Variants in MYRFL observed in about 807,000 individuals in gnomAD.
The protein encoded by MYRFL is myelin regulatory factor like, also known as myelin regulatory factor-like protein.
MYRFL carries 88 observed loss-of-function variants against 109.4 expected under a neutral mutation model. The observed-to-expected ratio is 0.80, with a 90% CI of 0.68 to 0.96. The LOEUF (loss-of-function observed/expected upper bound fraction) is 0.96. MYRFL is among the 40% of genes least tolerant of loss of function. MYRFL has a pLI of 0.00. For synonymous variants in MYRFL, 324 were observed against 320.9 expected, an observed-to-expected ratio of 1.01 and a Z score of -0.10; for missense variants, 957 against 954.9, an observed-to-expected ratio of 1.00 and a Z score of -0.03.
chr12:69,926,549 C>G lies in MYRFL; in HGVS notation c.1603-22C>G, dbSNP rs752963107. 6 of 1,471,636 alleles carry G rather than the reference C, an allele frequency of 4.1e-6. 1 individual carries two copies. Among genetic ancestry groups the G allele is most frequent in the South Asian group, 2.8e-5 (2 of 71,212 alleles). 91.2% of individuals were successfully genotyped at this position (1,471,636 alleles called of 1,614,324 possible). ...ATCTCAAATTGTTAATTTATGCACT[C>G]TGTTTGATTTTTCCCTTTTAGGACC... On this transcript the variant is annotated intron_variant, in intron 13 of 24. Transcript: ENST00000552032.
intron 2 of MYRFL, among the ~76,000 whole-genome samples, chr12:69,856,329 C>T (rs1167063902): frequency 1.3e-5 from 2 of 152,010 alleles, no homozygotes; most frequent in Non-Finnish European, 2.9e-5. Flanking sequence ...GAATTATTTC[C>T]AGTTTTGGCA....
intron 11 of MYRFL, among the ~76,000 whole-genome samples, chr12:69,906,159 C>G (rs114752814): frequency 1.3e-5 from 2 of 152,096 alleles, no homozygotes; most frequent in African/African-American, 4.8e-5. Flanking sequence ...TGTTTCCTCA[C>G]GCAGGAAACA....
intron 6 of MYRFL, among the ~76,000 whole-genome samples, chr12:69,887,607 A>T (rs536022506): frequency 1.3e-5 from 2 of 152,206 alleles, no homozygotes; most frequent in Non-Finnish European, 2.9e-5. Context: ...CTTAGCATGT[A>T]ATTTACCTAC....
chr12:69,958,047 GCCTCTT>G, intron 23 of MYRFL, 105 bp downstream of exon 23: 1 of 1,432,858 alleles, frequency 7.0e-7, no homozygotes, highest in East Asian at 2.5e-5. Context: ...GCTTGGCTCA[GCCTCTT>G]CCTTGTGTCC....
At chr12:69,895,102 T>C (rs987173222) in intron 8 of MYRFL, among the ~76,000 whole-genome samples, 3 of 152,236 alleles carry the variant, frequency 2.0e-5, no homozygotes, top group African/African-American at 7.2e-5. Flanking sequence ...ATGGAGCATA[T>C]GGCCCTTGTG....
chr12:69,887,233 G>T (rs1886511184), intron 6 of MYRFL, among the ~76,000 whole-genome samples: 1 of 152,082 alleles, frequency 6.6e-6, no homozygotes, highest in South Asian at 2.1e-4. Context: ...AATCTTTCTG[G>T]GATCACATGC....
At chr12:69,938,982 G>T (rs943328679) in intron 19 of MYRFL, among the ~76,000 whole-genome samples, 4 of 152,196 alleles carry the variant, frequency 2.6e-5, no homozygotes, top group African/African-American at 9.6e-5. Context: ...GCGCATTTCC[G>T]ACGGGCTTAA....
At chr12:69,955,147 G>T (rs1956064239) in intron 21 of MYRFL, among the ~76,000 whole-genome samples, 1 of 151,768 alleles carries the variant, frequency 6.6e-6, no homozygotes, top group Middle Eastern at 3.2e-3. Flanking sequence ...ACTTTTTATG[G>T]TATATTTTAT....
chr12:69,930,731 G>A (rs1955244887), intron 15 of MYRFL, among the ~76,000 whole-genome samples: 1 of 150,866 alleles, frequency 6.6e-6, no homozygotes, highest in Admixed American at 6.6e-5. Context: ...AGGATCGCTT[G>A]AGCCCAGGTG....
At chr12:69,872,137 G>A (rs1427802719) in intron 2 of MYRFL, among the ~76,000 whole-genome samples, 1 of 151,860 alleles carries the variant, frequency 6.6e-6, no homozygotes, top group Non-Finnish European at 1.5e-5. Flanking sequence ...TATTAGAAAT[G>A]AGCCTCTTTG....
chr12:69,891,273 C>A (rs1886783088), intron 7 of MYRFL, 107 bp downstream of exon 7: 6 of 858,050 alleles, frequency 7.0e-6, no homozygotes, highest in Non-Finnish European at 9.8e-6. Context: ...TAATAACAGT[C>A]CTTTATTTTG....
intron 1 of MYRFL, among the ~76,000 whole-genome samples, chr12:69,842,178 T>C (rs1052397608): frequency 2.6e-5 from 4 of 152,160 alleles, no homozygotes; most frequent in Admixed American, 2.0e-4. Flanking sequence ...ATGTGGGAAG[T>C]TTATGCTGGC....
intron 19 of MYRFL, among the ~76,000 whole-genome samples, chr12:69,939,446 C>T (rs1375376124): frequency 1.6e-4 from 24 of 152,094 alleles, no homozygotes; most frequent in Non-Finnish European, 1.0e-4. Flanking sequence ...ACACCTCACA[C>T]GGCAGGGTAC....
At chr12:69,870,888 A>G (rs1337860583) in intron 2 of MYRFL, among the ~76,000 whole-genome samples, 1 of 152,178 alleles carries the variant, frequency 6.6e-6, no homozygotes, top group Non-Finnish European at 1.5e-5. Flanking sequence ...TGCTGGATGG[A>G]GACTGCATTC....
At chr12:69,861,568 G>T (rs1181772561) in intron 2 of MYRFL, among the ~76,000 whole-genome samples, 3 of 152,046 alleles carry the variant, frequency 2.0e-5, no homozygotes, top group South Asian at 2.1e-4. Flanking sequence ...GTCTGTTCGT[G>T]TCCTTTGCCC....
Position 69,843,485 on chromosome 12 carries a change from A to T in MYRFL, c.47-11795A>T, listed in dbSNP as rs1300703663. ...GGAAAGTGATGAAGAAAGCTGTTGG[A>T]TGGAAATAAGAAAAGATCTTTATAT... On this transcript the variant is annotated intron_variant, in intron 1 of 24. Transcript: ENST00000552032. Among the ~76,000 whole-genome samples, 3 of 152,252 alleles carry T rather than the reference A, an allele frequency of 2.0e-5. 1 individual carries two copies. Among genetic ancestry groups the T allele is most frequent in the Non-Finnish European group, 4.4e-5 (3 of 68,044 alleles).
Position 69,936,065 on chromosome 12 carries a change from T to TCTG in MYRFL, c.1917-46_1917-44dup, listed in dbSNP as rs1335602729. ...TGTGTGAGATATATCTGGAAACAAA[T>TCTG]CTGCCACATAATGTTTTTTTTTTTT... On this transcript the variant is annotated intron_variant, in intron 16 of 24. Transcript: ENST00000552032. The TCTG allele has an allele frequency of 6.8e-6, 10 of 1,465,208 alleles. No individual in the cohort carries two copies. In the East Asian group the frequency reaches 2.1e-4, roughly 31 times the overall value. 90.8% of individuals were successfully genotyped at this position (1,465,208 alleles called of 1,614,324 possible).
chr12:69,893,817 C>A lies in MYRFL; in HGVS notation c.957C>A (p.Ser319Arg), dbSNP rs1887055852. 3 of 1,382,856 alleles carry A rather than the reference C, an allele frequency of 2.2e-6. No individual in the cohort carries two copies. Among genetic ancestry groups the A allele is most frequent in the Admixed American group, 2.6e-5 (1 of 38,698 alleles). 85.7% of individuals were successfully genotyped at this position (1,382,856 alleles called of 1,614,324 possible). ...IAIEQSQADR[S>R]KKIFNPVKID... ...TTGAACAGTCCCAAGCAGATAGGAG[C>A]AAAAAGATTTTCAATCCTGTTAAGT... Residue 319 changes from serine (S) to arginine (R), a missense_variant, in exon 8 of 25, where the codon AGC (serine) becomes AGA (arginine). Physicochemically the swap from Ser to Arg is moderately radical, Grantham distance 110. Coordinates refer to ENST00000552032, the MANE Select transcript of MYRFL (RefSeq NM_182530.3).
intron 14 of MYRFL, among the ~76,000 whole-genome samples, chr12:69,926,935 T>TTTTTG (rs1955109365): frequency 8.3e-5 from 1 of 12,100 alleles, no homozygotes; most frequent in Non-Finnish European, 1.3e-4. Flanking sequence ...TGTTGCTGGT[T>TTTTTG]TTTTTTTTTT....
Sources: gnomAD v4.1 joint callset for allele counts (sites outside exome capture counted in the v4.1 genomes callset) on GRCh38, gnomAD v4.1.1 for gene constraint, MANE v1.5 for transcripts, NCBI Gene and HGNC (gene_info 2026-07-23, HGNC 2026-07-21) for gene names.